The following ASTN2 variants were observed in gnomAD, a reference collection of about 807,000 sequenced individuals.
ASTN2 encodes astrotactin-2.
Under a neutral mutation model 139.8 loss-of-function variants are expected in ASTN2, and 54 were observed. The ratio of observed to expected loss-of-function variants is 0.39; its 90% CI spans 0.31 to 0.48. The LOEUF (loss-of-function observed/expected upper bound fraction) is 0.48. Among genes scored for constraint, ASTN2 ranks in the 20% least tolerant of loss-of-function variants. ASTN2 has a pLI of 0.95. For missense variants in ASTN2, 1,565 were observed against 1,725.1 expected, an observed-to-expected ratio of 0.91 and a Z score of 1.64; for synonymous variants, 756 against 719.5, an observed-to-expected ratio of 1.05 and a Z score of -0.81.
chr9:116,736,846 T>A (rs1353850973), intron 13 of ASTN2, among the ~76,000 whole-genome samples: 1 of 152,182 alleles, frequency 6.6e-6, no homozygotes, highest in African/African-American at 2.4e-5. Context: ...ACCTTCTCTA[T>A]CCGCATGTCC....
chr9:117,351,541 C>T (rs1368358187), intron 1 of ASTN2, among the ~76,000 whole-genome samples: 4 of 152,158 alleles, frequency 2.6e-5, no homozygotes, highest in African/African-American at 9.7e-5. Context: ...GAAACCTTGC[C>T]TGACTACACA....
intron 13 of ASTN2, among the ~76,000 whole-genome samples, chr9:116,780,784 T>G (rs1588287390): frequency 6.6e-6 from 1 of 152,110 alleles, no homozygotes; most frequent in Admixed American, 6.6e-5. Flanking sequence ...GGGCCTGTCA[T>G]AGCATAGTTG....
At chr9:117,164,208 T>C (rs533109295) in intron 3 of ASTN2, among the ~76,000 whole-genome samples, 2 of 152,214 alleles carry the variant, frequency 1.3e-5, no homozygotes, top group African/African-American at 4.8e-5. Context: ...ATGATTTTCA[T>C]ATGGGGAAAC....
intron 6 of ASTN2, among the ~76,000 whole-genome samples, chr9:117,039,416 T>C (rs563089781): frequency 8.6e-5 from 13 of 151,846 alleles, no homozygotes; most frequent in African/African-American, 2.4e-4. Flanking sequence ...ACATCACACA[T>C]TGGGGCCTGT....
chr9:117,091,817 G>A lies in ASTN2; in HGVS notation c.1276+4227C>T, dbSNP rs543848499. Among the ~76,000 whole-genome samples, 5 of 152,252 alleles carry A rather than the reference G, an allele frequency of 3.3e-5. No individual in the cohort carries two copies. The South Asian group carries it at 6.2e-4, about 19-fold the overall frequency. ...AAAGGAAAGCATTGAAAGCTTCTAA[G>A]AGGAGAAACAACATGATCCCTACTT... is the stretch of plus-strand genomic sequence containing the variant. On this transcript the variant is annotated intron_variant, in intron 5 of 22. Coordinates refer to ENST00000313400, the MANE Select transcript of ASTN2 (RefSeq NM_001365068.1).
chr9:116,670,684 G>A (rs542521592), intron 16 of ASTN2, among the ~76,000 whole-genome samples: 1 of 152,274 alleles, frequency 6.6e-6, no homozygotes, highest in African/African-American at 2.4e-5. Context: ...GGAGCAAAGA[G>A]GAGCAGGAGA....
chr9:116,548,095 A>G (rs908939573), intron 19 of ASTN2, among the ~76,000 whole-genome samples: 12 of 107,046 alleles, frequency 1.1e-4, no homozygotes, highest in Non-Finnish European at 1.6e-4. Flanking sequence ...GCCAAAGAAA[A>G]CCAAAGCACT....
At chr9:117,177,802 C>T (rs1291785896) in intron 3 of ASTN2, among the ~76,000 whole-genome samples, 1 of 152,208 alleles carries the variant, frequency 6.6e-6, no homozygotes, top group Non-Finnish European at 1.5e-5. Context: ...GACCTGTTCT[C>T]TCAGCTTCCA....
At chr9:117,001,116 A>G (rs1288070776) in intron 7 of ASTN2, among the ~76,000 whole-genome samples, 3 of 152,194 alleles carry the variant, frequency 2.0e-5, no homozygotes, top group Admixed American at 1.3e-4. Flanking sequence ...CAGCTGTAGC[A>G]TCTTCTCCAC....
At chr9:117,136,573 G>T (rs538546394) in intron 4 of ASTN2, among the ~76,000 whole-genome samples, 15 of 152,272 alleles carry the variant, frequency 9.9e-5, no homozygotes, top group Non-Finnish European at 1.8e-4. Flanking sequence ...TGTTCTAGGT[G>T]GGGGAGGAAC....
chr9:117,140,467 G>T (rs1449808770), intron 4 of ASTN2, among the ~76,000 whole-genome samples: 2 of 152,078 alleles, frequency 1.3e-5, no homozygotes, highest in African/African-American at 4.8e-5. Context: ...AAAAAAAATG[G>T]TTTGGAAATT....
chr9:116,993,876 A>ATATATATATTTTTTTT (rs1030120382), intron 7 of ASTN2, among the ~76,000 whole-genome samples: 66 of 142,040 alleles, frequency 4.6e-4, no homozygotes, highest in Non-Finnish European at 8.3e-4. Flanking sequence ...ATATATATAT[A>ATATATATATTTTTTTT]TTTTAACTAT....
intron 2 of ASTN2, among the ~76,000 whole-genome samples, chr9:117,222,310 C>G (rs150524724): frequency 1.3e-5 from 2 of 152,274 alleles, no homozygotes; most frequent in East Asian, 3.9e-4. Flanking sequence ...GTGCTTTGGC[C>G]GTCCATGCAA....
chr9:117,120,016 GTGTATATATATATA>G (rs1342397179), intron 4 of ASTN2, among the ~76,000 whole-genome samples: 6 of 33,838 alleles, frequency 1.8e-4, no homozygotes, highest in Middle Eastern at 0.025. Context: ...GTGTGTGTGT[GTGTATATATATATA>G]TATATATATA....
At chr9:116,607,938 G>C (rs1482173560) in intron 19 of ASTN2, among the ~76,000 whole-genome samples, 1 of 152,176 alleles carries the variant, frequency 6.6e-6, no homozygotes, top group Admixed American at 6.5e-5. Context: ...GCCAGCCTGG[G>C]CGACAGAGCG....
chr9:116,699,565 A>C lies in ASTN2; in HGVS notation c.2806+26206T>G. ...CTCCATTTTCCTAAGGGTGGGGGCT[A>C]TAGTGTCCTTATTCGAGAGGGACTT... On this transcript the variant is annotated intron_variant, in intron 16 of 22. Coordinates refer to ENST00000313400, the MANE Select transcript of ASTN2 (RefSeq NM_001365068.1). The surrounding 1 kb of genome is among the most constrained non-coding windows in gnomAD (Gnocchi z 4.2). The C allele has an allele frequency of 1.2e-6, 2 of 1,614,204 alleles. No individual in the cohort carries two copies. Among genetic ancestry groups the C allele is most frequent in the South Asian group, 2.2e-5 (2 of 91,082 alleles).
At chr9:117,021,053 A>G (rs1022983623) in intron 6 of ASTN2, among the ~76,000 whole-genome samples, 1 of 152,078 alleles carries the variant, frequency 6.6e-6, no homozygotes, top group African/African-American at 2.4e-5. Flanking sequence ...GACTACAGGT[A>G]CATGCAACAA....
At chr9:116,782,600 A>C (rs1830247822) in intron 13 of ASTN2, among the ~76,000 whole-genome samples, 1 of 152,174 alleles carries the variant, frequency 6.6e-6, no homozygotes, top group Admixed American at 6.5e-5. Flanking sequence ...GTACTGAATG[A>C]ATGAAGGCTG....
At chr9:117,351,304 A>G (rs1829379219) in intron 1 of ASTN2, among the ~76,000 whole-genome samples, 1 of 152,210 alleles carries the variant, frequency 6.6e-6, no homozygotes, top group South Asian at 2.1e-4. Context: ...CTCAAGGTCT[A>G]TTATAACTTT....
Sources: allele counts gnomAD v4.1 joint callset (sites outside exome capture counted in the v4.1 genomes callset), GRCh38; gene constraint gnomAD v4.1.1; non-coding constraint Gnocchi (gnomAD v3.1); transcripts MANE v1.5; gene names NCBI Gene and HGNC (gene_info 2026-07-23, HGNC 2026-07-21).